The following ZFPM1 variants were observed in gnomAD, a reference collection of about 807,000 sequenced individuals.
ZFPM1 encodes the protein zinc finger protein ZFPM1.
In ZFPM1, 28 loss-of-function variants were observed where a neutral mutation model predicts 46.3. The observed-to-expected ratio is 0.60, with a 90% CI of 0.45 to 0.83. The LOEUF (loss-of-function observed/expected upper bound fraction) is 0.83. Among genes scored for constraint, ZFPM1 ranks in the 40% least tolerant of loss-of-function variants. The pLI, the probability that ZFPM1 is intolerant of heterozygous loss-of-function variation, is 0.00. For missense variants in ZFPM1, 1,878 were observed against 1,432.4 expected (o/e 1.31, Z -5.02); for synonymous variants, 957 against 675.9 (o/e 1.42, Z -6.45).
At chr16:88,479,912 AC>A (rs1908857015) in intron 1 of ZFPM1, among the ~76,000 whole-genome samples, 1 of 124,426 alleles carries the variant, frequency 8.0e-6, no homozygotes, top group African/African-American at 3.0e-5. Context: ...TCACCCACTC[AC>A]ACCCCCCGCC....
At chr16:88,477,459 C>T (rs541140291) in intron 1 of ZFPM1, among the ~76,000 whole-genome samples, 2 of 152,342 alleles carry the variant, frequency 1.3e-5, no homozygotes, top group East Asian at 3.9e-4. Context: ...AGCAAACTTT[C>T]CTGCCTTTAA....
At chr16:88,493,736 G>A (rs928515972) in intron 3 of ZFPM1, among the ~76,000 whole-genome samples, 1 of 152,038 alleles carries the variant, frequency 6.6e-6, no homozygotes, top group Non-Finnish European at 1.5e-5. Flanking sequence ...TGATCTCCTG[G>A]CCCTGTTACT....
intron 2 of ZFPM1, among the ~76,000 whole-genome samples, chr16:88,487,481 G>A (rs1424320231): frequency 2.6e-5 from 4 of 152,204 alleles, no homozygotes; most frequent in Admixed American, 6.5e-5. Context: ...CCTGACGGGC[G>A]GAAGAATGCC....
intron 3 of ZFPM1, among the ~76,000 whole-genome samples, chr16:88,502,264 G>A (rs959319229): frequency 2.6e-5 from 4 of 152,058 alleles, no homozygotes; most frequent in African/African-American, 4.8e-5. Context: ...CGAAAGGGCC[G>A]AGCAGGGCCT....
intron 4 of ZFPM1, among the ~76,000 whole-genome samples, chr16:88,522,273 CACT>C (rs1366833121): frequency 6.6e-6 from 1 of 152,232 alleles, no homozygotes. Context: ...GAGACAGAGG[CACT>C]GAGGGACCAG....
chr16:88,487,974 G>A lies in ZFPM1; in HGVS notation c.146-1057G>A, dbSNP rs147354174. Reference sequence around the variant, plus strand: ...CCGTCCCCGTCGGCACACGCTGCTCGTGGTACAGCCAGAGCTCTCCCTGGC... The same window carrying A: ...CCGTCCCCGTCGGCACACGCTGCTCATGGTACAGCCAGAGCTCTCCCTGGC... On this transcript the variant is annotated intron_variant, in intron 2 of 9. Coordinates refer to ENST00000319555, the MANE Select transcript of ZFPM1 (RefSeq NM_153813.3). Among the ~76,000 whole-genome samples, 1,353 of 152,358 alleles carry A rather than the reference G, an allele frequency of 8.9e-3. 19 individuals are homozygous for A. The highest frequency in any genetic ancestry group is 0.03 in the African/African-American group (1,262 of 41,572).
rs150205611 is a variant in ZFPM1 at position 88,532,672 on chromosome 16, C to G, written c.1005C>G (p.Cys335Trp). ...CLSAFTTKAN[C>W]ERHLKVHTDT... ...CGGCCTTCACCACCAAGGCCAACTG[C>G]GAGCGGCACCTCAAGGTGCACACGG... The change falls in exon 8 of 10, where the codon TGC becomes TGG. Residue 335 changes from cysteine (C) to tryptophan (W), a missense_variant. Physicochemically the swap from Cys to Trp is radical, Grantham distance 215. Transcript: ENST00000319555. The G allele has an allele frequency of 6.2e-7, 1 of 1,604,050 alleles. No homozygotes were observed. The highest frequency in any genetic ancestry group is 1.7e-5 in the Admixed American group (1 of 58,364).
rs1264287435 is a variant in ZFPM1, at chr16:88,532,126, C to G, written c.837C>G (p.Asp279Glu). 1 of 1,612,656 alleles carries G rather than the reference C, an allele frequency of 6.2e-7. No homozygotes were observed. Residue 279 changes from aspartate to glutamate, a missense_variant, in exon 7 of 10, where the codon GAC becomes GAG. Physicochemically the swap from Asp to Glu is conservative, Grantham distance 45. Transcript: ENST00000319555. ...GTGSPAAAATDEKPKETYPNE... is the reference protein window; with the variant it reads ...GTGSPAAAATEEKPKETYPNE... ...GCTCCCCGGCCGCAGCCGCCACAGA[C>G]GAGAAGCCCAAAGAGACCTACCCCA...
intron 3 of ZFPM1, among the ~76,000 whole-genome samples, chr16:88,495,318 G>T (rs12051124): frequency 0.071 from 10,776 of 152,326 alleles, 476 homozygotes; most frequent in South Asian, 0.16. Context: ...GGACCCTGGA[G>T]TGTGGAATCC....
At chr16:88,526,779 A>AC in intron 4 of ZFPM1, 35 bp from the exon 5 acceptor site, 1 of 1,489,660 alleles carries the variant, frequency 6.7e-7, no homozygotes, top group Admixed American at 2.1e-5. Context: ...CTGCTGACGG[A>AC]CCCCTCCCCA....
At chr16:88,474,887 T>A (rs1246294734) in intron 1 of ZFPM1, among the ~76,000 whole-genome samples, 1 of 152,236 alleles carries the variant, frequency 6.6e-6, no homozygotes, top group Admixed American at 6.5e-5. Flanking sequence ...TCTTCGAGAC[T>A]GATGAGTCCA....
chr16:88,528,638 A>G (rs4782519), intron 6 of ZFPM1, among the ~76,000 whole-genome samples: 125,177 of 152,110 alleles, frequency 0.82, 53,086 homozygotes, highest in Non-Finnish European at 0.92. Flanking sequence ...GTGTCCCTGG[A>G]CACCACGGGG....
At chr16:88,513,939 G>A (rs1308987894) in intron 3 of ZFPM1, among the ~76,000 whole-genome samples, 1 of 152,188 alleles carries the variant, frequency 6.6e-6, no homozygotes. Flanking sequence ...TAATCCCATT[G>A]ATCTCAAGAG....
At chr16:88,509,031 G>A (rs8045833) in intron 3 of ZFPM1, among the ~76,000 whole-genome samples, 49,078 of 152,080 alleles carry the variant, frequency 0.32, 8,433 homozygotes, top group East Asian at 0.46. Context: ...TCTGCCTCCC[G>A]TGTGACCCTG....
chr16:88,498,612 C>T (rs192027941), intron 3 of ZFPM1, among the ~76,000 whole-genome samples: 52 of 152,010 alleles, frequency 3.4e-4, no homozygotes, highest in East Asian at 5.8e-4. Flanking sequence ...GAGCCGGCCT[C>T]GCTGAGCCGA....
At chr16:88,489,894 G>C (rs969889745) in intron 3 of ZFPM1, among the ~76,000 whole-genome samples, 1 of 152,124 alleles carries the variant, frequency 6.6e-6, no homozygotes, top group Non-Finnish European at 1.5e-5. Flanking sequence ...TGGAATCCCA[G>C]GGCTGCCTGG....
At chr16:88,512,720 G>A (rs1016550142) in intron 3 of ZFPM1, among the ~76,000 whole-genome samples, 9 of 152,172 alleles carry the variant, frequency 5.9e-5, no homozygotes, top group South Asian at 2.1e-4. Flanking sequence ...AGGACCCGCC[G>A]GAGGCCAGAC....
At chr16:88,487,566 C>A (rs1909302273) in intron 2 of ZFPM1, among the ~76,000 whole-genome samples, 1 of 152,082 alleles carries the variant, frequency 6.6e-6, no homozygotes, top group African/African-American at 2.4e-5. Flanking sequence ...GGGTCTGCAG[C>A]CGAGGGGCTG....
At chr16:88,523,185 G>T (rs1847411099) in intron 4 of ZFPM1, among the ~76,000 whole-genome samples, 1 of 145,994 alleles carries the variant, frequency 6.8e-6, no homozygotes, top group African/African-American at 2.5e-5. Flanking sequence ...CAGGCTGGGG[G>T]ACAAGAGTGA....
Sources: allele counts gnomAD v4.1 joint callset (sites outside exome capture counted in the v4.1 genomes callset), GRCh38; gene constraint gnomAD v4.1.1; transcripts MANE v1.5; gene names NCBI Gene and HGNC (gene_info 2026-07-23, HGNC 2026-07-21).